MYO16: variants seen among roughly 807,000 people sequenced by gnomAD.
MYO16 encodes unconventional myosin-XVI.
MYO16 carries 94 observed loss-of-function variants against 205.3 expected under a neutral mutation model. The ratio of observed to expected loss-of-function variants is 0.46; its 90% CI spans 0.39 to 0.54. The LOEUF is 0.54. MYO16 is among the 20% of genes least tolerant of loss of function. The pLI, the probability that MYO16 is intolerant of heterozygous loss-of-function variation, is 0.00. For synonymous variants in MYO16, 988 were observed against 954.0 expected, an observed-to-expected ratio of 1.04 and a Z score of -0.66; for missense variants, 2,315 against 2,387.5, an observed-to-expected ratio of 0.97 and a Z score of 0.63.
chr13:109,084,750 T>C (rs1391185520), intron 27 of MYO16, among the ~76,000 whole-genome samples: 1 of 152,046 alleles, frequency 6.6e-6, no homozygotes, highest in Non-Finnish European at 1.5e-5. Context: ...TTTTTTTTAT[T>C]CATGCAGCAA....
chr13:108,673,077 G>A (rs1234363013), intron 2 of MYO16, among the ~76,000 whole-genome samples: 1 of 151,296 alleles, frequency 6.6e-6, no homozygotes, highest in African/African-American at 2.4e-5. Context: ...GGTGGGTGAA[G>A]CAATGCAGCC....
the MYO16 span, among the ~76,000 whole-genome samples, chr13:108,525,126 C>T: frequency 3.9e-5 from 6 of 152,122 alleles, no homozygotes; most frequent in East Asian, 3.9e-4. Flanking sequence ...CCAGCGAGAA[C>T]GACCATTCAA....
intron 7 of MYO16, among the ~76,000 whole-genome samples, chr13:108,808,762 A>G (rs540736331): frequency 6.6e-6 from 1 of 152,374 alleles, no homozygotes; most frequent in South Asian, 2.1e-4. Flanking sequence ...TGGATTTTTA[A>G]ATGTTAATTT....
intron 4 of MYO16, among the ~76,000 whole-genome samples, chr13:108,741,174 G>T (rs992454002): frequency 9.2e-5 from 14 of 152,122 alleles, no homozygotes; most frequent in African/African-American, 3.4e-4. Flanking sequence ...CCAGTGAGAT[G>T]AACTCGGTAC....
intron 15 of MYO16, among the ~76,000 whole-genome samples, chr13:108,898,351 AGTGTGTGT>A (rs3042037): frequency 0.062 from 8,942 of 145,068 alleles, 385 homozygotes; most frequent in Middle Eastern, 0.21. Context: ...AGGGTGTGTG[AGTGTGTGT>A]GTGTGTGTGT....
intron 25 of MYO16, among the ~76,000 whole-genome samples, chr13:109,052,845 C>T (rs1024197201): frequency 6.6e-6 from 1 of 152,080 alleles, no homozygotes; most frequent in Non-Finnish European, 1.5e-5. Flanking sequence ...CTTCAGATAA[C>T]TGAGGTCTCT....
rs373362901 is a variant in MYO16, at chr13:108,772,495, G to A, written c.508-13140G>A. On this transcript the variant is annotated intron_variant, in intron 4 of 34. Transcript: ENST00000457511. Reference sequence around the variant, plus strand: ...AGCATTTGGTGCATCAGTGTTCTACGTTTTGGCCATGTTAATAGGTATGTG... The same window carrying A: ...AGCATTTGGTGCATCAGTGTTCTACATTTTGGCCATGTTAATAGGTATGTG... 3.5e-4 allele frequency among the ~76,000 whole-genome samples: 54 copies of A among 152,220 alleles called. No individual in the cohort carries two copies. In the South Asian group the frequency reaches 6.0e-3, roughly 17 times the overall value.
chr13:108,496,200 T>A, the MYO16 span, among the ~76,000 whole-genome samples: 2 of 152,078 alleles, frequency 1.3e-5, no homozygotes, highest in Non-Finnish European at 2.9e-5. Context: ...CTAGGACGCG[T>A]AAGCCGAGGC....
intron 23 of MYO16, among the ~76,000 whole-genome samples, chr13:109,029,855 AAATGT>A (rs1404139156): frequency 6.6e-6 from 1 of 152,218 alleles, no homozygotes; most frequent in African/African-American, 2.4e-5. Flanking sequence ...TGTTAAGACA[AAATGT>A]AATACCTCAT....
intron 34 of MYO16, among the ~76,000 whole-genome samples, chr13:109,198,290 A>AT (rs775790284): frequency 1.3e-5 from 2 of 152,176 alleles, no homozygotes; most frequent in Non-Finnish European, 2.9e-5. Flanking sequence ...TAAATTTTAA[A>AT]TTGTTGAAGG....
chr13:108,882,084 T>G (rs1879644216), intron 12 of MYO16, among the ~76,000 whole-genome samples: 1 of 152,224 alleles, frequency 6.6e-6, no homozygotes, highest in South Asian at 2.1e-4. Flanking sequence ...CCCATCAGAC[T>G]AATAGCAGAT....
At chr13:109,024,604 A>G (rs538685118) in intron 23 of MYO16, among the ~76,000 whole-genome samples, 10 of 152,294 alleles carry the variant, frequency 6.6e-5, no homozygotes, top group Non-Finnish European at 1.3e-4. Context: ...AAATAAAGCA[A>G]AACAGAGAAA....
intron 29 of MYO16, among the ~76,000 whole-genome samples, chr13:109,122,493 A>G (rs1876037895): frequency 6.6e-6 from 1 of 152,128 alleles, no homozygotes; most frequent in Non-Finnish European, 1.5e-5. Flanking sequence ...AGCCTGGCCA[A>G]CATAGTGAAA....
chr13:108,724,662 G>A (rs987185856), intron 3 of MYO16, among the ~76,000 whole-genome samples: 6 of 151,900 alleles, frequency 3.9e-5, no homozygotes, highest in Admixed American at 3.3e-4. Flanking sequence ...TGTTATTTTG[G>A]TGGTTGCTTT....
intron 4 of MYO16, among the ~76,000 whole-genome samples, chr13:108,735,777 TA>T (rs1441264740): frequency 6.6e-5 from 10 of 151,678 alleles, no homozygotes; most frequent in African/African-American, 2.4e-4. Context: ...AAAATGTTCC[TA>T]TTTCTCCACA....
At chr13:109,079,387 G>GTTTTT (rs34736383) in intron 27 of MYO16, among the ~76,000 whole-genome samples, 2 of 150,346 alleles carry the variant, frequency 1.3e-5, no homozygotes, top group African/African-American at 4.9e-5. Context: ...TACTGTATGG[G>GTTTTT]TTTTTTTTTT....
At chr13:109,075,367 T>G (rs1043057829) in intron 27 of MYO16, among the ~76,000 whole-genome samples, 5 of 50,124 alleles carry the variant, frequency 1.0e-4, no homozygotes, top group African/African-American at 2.9e-4. Flanking sequence ...AAAATGAATT[T>G]ATACCAGCAT....
intron 2 of MYO16, among the ~76,000 whole-genome samples, chr13:108,697,214 A>G (rs181035216): frequency 6.6e-6 from 1 of 152,324 alleles, no homozygotes; most frequent in African/African-American, 2.4e-5. Context: ...AAGTACTCCA[A>G]CAACAATAAA....
intron 1 of MYO16, among the ~76,000 whole-genome samples, chr13:108,664,419 T>C (rs1881635614): frequency 6.6e-6 from 1 of 152,210 alleles, no homozygotes; most frequent in Non-Finnish European, 1.5e-5. Flanking sequence ...CTCAACTTGG[T>C]TTTCTTTATA....
Sources: allele counts gnomAD v4.1 joint callset (sites outside exome capture counted in the v4.1 genomes callset), GRCh38; gene constraint gnomAD v4.1.1; transcripts MANE v1.5; gene names NCBI Gene and HGNC (gene_info 2026-07-23, HGNC 2026-07-21).